The following CD163L1 variants were observed in gnomAD, a reference collection of about 807,000 sequenced individuals.
The protein encoded by CD163L1 is CD163 molecule like 1.
A neutral mutation model predicts 165.4 loss-of-function variants in CD163L1; 124 were observed. That is an observed-to-expected ratio of 0.75 (90% confidence interval 0.65 to 0.87). The LOEUF (loss-of-function observed/expected upper bound fraction) is 0.87. Among genes scored for constraint, CD163L1 ranks in the 40% least tolerant of loss-of-function variants. The pLI is 0.00. For synonymous variants in CD163L1, 585 were observed against 662.2 expected, an observed-to-expected ratio of 0.88 and a Z score of 1.79; for missense variants, 1,525 against 1,799.9, an observed-to-expected ratio of 0.85 and a Z score of 2.76.
At chr12:7,324,994 C>A in the CD163L1 span, among the ~76,000 whole-genome samples, 121 of 152,340 alleles carry the variant, frequency 7.9e-4, 1 homozygote, top group Middle Eastern at 3.4e-3. Flanking sequence ...TACTTGATAG[C>A]AACCAACTCC....
chr12:7,439,590 C>T, intron 2 of CD163L1: 1 of 1,595,004 alleles, frequency 6.3e-7, no homozygotes, highest in Middle Eastern at 1.7e-4. Context: ...CAGAGTTCGC[C>T]TCAAATATGT....
chr12:7,371,688 A>C (rs1303807772), intron 14 of CD163L1, among the ~76,000 whole-genome samples: 2 of 152,050 alleles, frequency 1.3e-5, no homozygotes, highest in East Asian at 3.8e-4. Flanking sequence ...AAGGATATTT[A>C]ATGTGATGTT....
the CD163L1 span, chr12:7,327,024 C>A: frequency 6.2e-7 from 1 of 1,612,646 alleles, no homozygotes; most frequent in Non-Finnish European, 8.5e-7. Context: ...GTCCTACAAC[C>A]CAGAGAAATT....
At chr12:7,362,929 G>T (rs1293792657) in intron 18 of CD163L1, among the ~76,000 whole-genome samples, 1 of 151,324 alleles carries the variant, frequency 6.6e-6, no homozygotes, top group Non-Finnish European at 1.5e-5. Flanking sequence ...ATACTACTCA[G>T]CCATGAAAAG....
chr12:7,367,581 T>C (rs527765118), intron 17 of CD163L1: 3 of 304,946 alleles, frequency 9.8e-6, no homozygotes, highest in Non-Finnish European at 1.9e-5. Context: ...CCATTTTTCA[T>C]ACAGATGATT....
chr12:7,346,060 G>A (rs1946668305), downstream of CD163L1, among the ~76,000 whole-genome samples: 1 of 152,098 alleles, frequency 6.6e-6, no homozygotes, highest in Admixed American at 6.5e-5. Context: ...AGATTTGGGT[G>A]GAACAAATAT....
At chr12:7,405,076 C>T (rs921245225) in intron 5 of CD163L1, among the ~76,000 whole-genome samples, 5 of 152,072 alleles carry the variant, frequency 3.3e-5, no homozygotes, top group Non-Finnish European at 4.4e-5. Context: ...ACTGTTGGGA[C>T]GGTTTTCCAA....
intron 14 of CD163L1, among the ~76,000 whole-genome samples, chr12:7,370,070 C>T (rs1477153121): frequency 6.6e-6 from 1 of 152,138 alleles, no homozygotes; most frequent in African/African-American, 2.4e-5. Flanking sequence ...TATATAAGAC[C>T]ATTGCTGCTT....
At chr12:7,389,962 A>T (rs202117446) in intron 8 of CD163L1, among the ~76,000 whole-genome samples, 62 of 140,632 alleles carry the variant, frequency 4.4e-4, no homozygotes, top group South Asian at 6.8e-4. Context: ...ATATATATTT[A>T]TATATATATA....
At chr12:7,409,350 C>T (rs949637189) in intron 4 of CD163L1, among the ~76,000 whole-genome samples, 1 of 152,066 alleles carries the variant, frequency 6.6e-6, no homozygotes, top group African/African-American at 2.4e-5. Flanking sequence ...CATTTCCCAA[C>T]CTTTTTGGCA....
At chr12:7,410,442 T>C (rs886368113) in intron 4 of CD163L1, among the ~76,000 whole-genome samples, 21 of 151,816 alleles carry the variant, frequency 1.4e-4, no homozygotes, top group Non-Finnish European at 8.8e-5. Flanking sequence ...CCTATCTCTA[T>C]TAAAAATACA....
the CD163L1 span, among the ~76,000 whole-genome samples, chr12:7,321,980 C>G: frequency 6.6e-6 from 1 of 152,158 alleles, no homozygotes; most frequent in African/African-American, 2.4e-5. Flanking sequence ...AGGCTTTCGG[C>G]AAGTTCTTTA....
At chr12:7,442,661 C>T (rs1485260854) in intron 1 of CD163L1, among the ~76,000 whole-genome samples, 1 of 152,166 alleles carries the variant, frequency 6.6e-6, no homozygotes, top group Non-Finnish European at 1.5e-5. Flanking sequence ...GTCCAAAACA[C>T]TTTAAGTTGG....
intron 2 of CD163L1, among the ~76,000 whole-genome samples, chr12:7,437,456 G>A (rs1948753565): frequency 6.6e-6 from 1 of 151,418 alleles, no homozygotes; most frequent in Non-Finnish European, 1.5e-5. Flanking sequence ...ATTTACATTA[G>A]GTATTTCTCC....
intron 8 of CD163L1, among the ~76,000 whole-genome samples, chr12:7,384,250 G>T (rs1947469684): frequency 6.6e-6 from 1 of 152,038 alleles, no homozygotes; most frequent in Middle Eastern, 3.4e-3. Context: ...AAAAGAAAAA[G>T]AAAGAAATTT....
chr12:7,416,487 T>G (rs944907588), intron 4 of CD163L1, among the ~76,000 whole-genome samples: 1 of 152,174 alleles, frequency 6.6e-6, no homozygotes, highest in South Asian at 2.1e-4. Context: ...TCATGAAGTC[T>G]TTGCCCATGC....
intron 18 of CD163L1, among the ~76,000 whole-genome samples, chr12:7,359,082 A>T (rs1316635408): frequency 2.0e-5 from 3 of 152,126 alleles, no homozygotes; most frequent in Non-Finnish European, 4.4e-5. Flanking sequence ...GACAGAACAG[A>T]ATATCCAAAA....
intron 2 of CD163L1, among the ~76,000 whole-genome samples, chr12:7,434,252 G>A (rs1948684665): frequency 6.6e-6 from 1 of 152,164 alleles, no homozygotes; most frequent in Admixed American, 6.5e-5. Context: ...AGTCGTCCAT[G>A]ATTGTAATAT....
the CD163L1 span, among the ~76,000 whole-genome samples, chr12:7,330,187 C>A: frequency 6.6e-6 from 1 of 152,278 alleles, no homozygotes; most frequent in South Asian, 2.1e-4. Context: ...ATTCTCTTTG[C>A]CCCTCTCAAA....
Sources: allele counts gnomAD v4.1 joint callset (sites outside exome capture counted in the v4.1 genomes callset), GRCh38; gene constraint gnomAD v4.1.1; transcripts MANE v1.5; gene names NCBI Gene and HGNC (gene_info 2026-07-23, HGNC 2026-07-21).